RANBP3L: variants seen among roughly 807,000 people sequenced by gnomAD.
RANBP3L encodes ran-binding protein 3-like.
Under a neutral mutation model 67.2 loss-of-function variants are expected in RANBP3L, and 56 were observed. That is an observed-to-expected ratio of 0.83 (90% CI 0.67 to 1.04). RANBP3L has a LOEUF of 1.04. RANBP3L is among the 50% of genes least tolerant of loss of function. The probability of loss-of-function intolerance (pLI) is 0.00; values close to 1 mark genes in which losing one functional copy is unlikely to be tolerated. For synonymous variants in RANBP3L, 164 were observed against 181.4 expected (o/e 0.90, Z 0.77); for missense variants, 496 against 535.5 (o/e 0.93, Z 0.73).
chr5:36,292,127 T>C (rs1751832894), intron 1 of RANBP3L, among the ~76,000 whole-genome samples: 1 of 151,964 alleles, frequency 6.6e-6, no homozygotes, highest in South Asian at 2.1e-4. Context: ...ATTGTGGTTT[T>C]GATTTGCATT....
chr5:36,274,606 A>G (rs1205971095), intron 1 of RANBP3L, among the ~76,000 whole-genome samples: 2 of 152,282 alleles, frequency 1.3e-5, no homozygotes, highest in South Asian at 4.1e-4. Context: ...AGGGCTGGAG[A>G]TGAGGCTGGA....
At chr5:36,251,951 T>C (rs945418270) in intron 12 of RANBP3L, among the ~76,000 whole-genome samples, 4 of 152,152 alleles carry the variant, frequency 2.6e-5, no homozygotes, top group African/African-American at 9.7e-5. Context: ...GTACCATAAA[T>C]ACAGCAGAAG....
chr5:36,269,084 A>G (rs1750021750), intron 4 of RANBP3L, among the ~76,000 whole-genome samples: 2 of 152,186 alleles, frequency 1.3e-5, no homozygotes, highest in African/African-American at 4.8e-5. Flanking sequence ...CTTTGGAAAC[A>G]TAGCAAAATA....
intron 1 of RANBP3L, among the ~76,000 whole-genome samples, chr5:36,288,652 T>C (rs1751493719): frequency 6.6e-6 from 1 of 152,156 alleles, no homozygotes; most frequent in Admixed American, 6.6e-5. Context: ...CCATTTAAAA[T>C]TTTAGCCATT....
chr5:36,264,144 C>T (rs969705475), intron 6 of RANBP3L, among the ~76,000 whole-genome samples: 6 of 149,120 alleles, frequency 4.0e-5, no homozygotes, highest in Non-Finnish European at 9.0e-5. Context: ...GCAGCAGAGG[C>T]AAGATTAGTA....
Position 36,247,519 on chromosome 5 carries a change from A to G in RANBP3L, c.*2135T>C, listed in dbSNP as rs1279413872. 6.6e-6 allele frequency among the ~76,000 whole-genome samples: 1 copy of G among 152,226 alleles called. No individual in the cohort carries two copies. The highest frequency in any genetic ancestry group is 1.5e-5 in the Non-Finnish European group (1 of 68,046). On this transcript the variant is annotated 3_prime_UTR_variant, in exon 14 of 14. Transcript: ENST00000296604. Reference sequence around the variant, plus strand: ...AATCATAGAATGAATTCAACTTAAAATGTTTCAAGCATTGAGAAGATAATT... The same window carrying G: ...AATCATAGAATGAATTCAACTTAAAGTGTTTCAAGCATTGAGAAGATAATT...
chr5:36,264,415 G>C (rs1749609529), intron 6 of RANBP3L, among the ~76,000 whole-genome samples: 1 of 152,124 alleles, frequency 6.6e-6, no homozygotes, highest in South Asian at 2.1e-4. Context: ...TGTCTGTTTA[G>C]AAAGGCCTAC....
rs884694 is a variant in RANBP3L, at chr5:36,301,318, G to T, written c.91+8C>A. The stretch of plus-strand genomic sequence containing the variant: ...AGAATATGCAACTCATGAGCTGGAC[G>T]GACTCACCTTGCTGTCGCCGGTCCT... On this transcript the variant is annotated splice_region_variant and intron_variant, in intron 1 of 13. Coordinates refer to ENST00000296604, the MANE Select transcript of RANBP3L (RefSeq NM_145000.5). 0.68 allele frequency: 1,093,224 copies of T among 1,602,516 alleles called. 378,888 individuals are homozygous for T. Among genetic ancestry groups the T allele is most frequent in the Middle Eastern group, 0.73 (4,286 of 5,850 alleles).
chr5:36,266,176 A>G (rs1257009639), intron 4 of RANBP3L, among the ~76,000 whole-genome samples: 2 of 152,124 alleles, frequency 1.3e-5, no homozygotes, highest in Non-Finnish European at 2.9e-5. Flanking sequence ...ATTAATATAT[A>G]GCTCTTATAG....
intron 4 of RANBP3L, among the ~76,000 whole-genome samples, chr5:36,267,034 G>A (rs770168575): frequency 3.9e-5 from 6 of 152,176 alleles, no homozygotes; most frequent in Non-Finnish European, 5.9e-5. Flanking sequence ...TGATATTACA[G>A]GCATGAGCCA....
chr5:36,263,157 G>T (rs1749516015), intron 6 of RANBP3L, among the ~76,000 whole-genome samples: 1 of 151,776 alleles, frequency 6.6e-6, no homozygotes, highest in African/African-American at 2.4e-5. Context: ...ATCAATAAAT[G>T]GAAAATTTAA....
rs1244720726 is a variant in RANBP3L at position 36,260,901 on chromosome 5, CATAG to C, written c.585-41_585-38del. 5.7e-6 allele frequency: 5 copies of C among 882,534 alleles called. No homozygotes were observed. In the East Asian group the frequency reaches 1.3e-4, roughly 23 times the overall value. 54.7% of individuals were successfully genotyped at this position (882,534 alleles called of 1,614,324 possible). The stretch of plus-strand genomic sequence containing the variant: ...AAATAAGCATTTACTATTTTAAATA[CATAG>C]ATAAAGCCATTTTAAACCTTGAAAT... On this transcript the variant is annotated intron_variant, in intron 7 of 13. Transcript: ENST00000296604.
chr5:36,274,121 G>C (rs1453927184), intron 1 of RANBP3L, among the ~76,000 whole-genome samples: 1 of 152,134 alleles, frequency 6.6e-6, no homozygotes, highest in Non-Finnish European at 1.5e-5. Context: ...ACCCATTATG[G>C]TTTGGGGGCT....
chr5:36,276,406 A>T (rs972784715), intron 1 of RANBP3L, among the ~76,000 whole-genome samples: 1 of 152,192 alleles, frequency 6.6e-6, no homozygotes, highest in African/African-American at 2.4e-5. Flanking sequence ...AAATTACAGT[A>T]TATTGTTAAA....
chr5:36,288,259 A>G (rs1409319750), intron 1 of RANBP3L, among the ~76,000 whole-genome samples: 1 of 152,016 alleles, frequency 6.6e-6, no homozygotes, highest in African/African-American at 2.4e-5. Context: ...GCTTATTTTC[A>G]CTCAATAAAA....
chr5:36,301,473 A>T lies in RANBP3L; in HGVS notation c.-57T>A, dbSNP rs1404694964. 2 of 1,341,014 alleles carry T rather than the reference A, an allele frequency of 1.5e-6. No homozygotes were observed. The highest frequency in any genetic ancestry group is 2.9e-5 in the African/African-American group (2 of 69,820). The allele number at this position is 1,341,014 out of a possible 1,614,324, so 83.1% of individuals were successfully genotyped here. ...CACTAGGGCACCTCCTTCTCTGGCC[A>T]GTCACCTAAAGTGGCCTTCACCAGA... On this transcript the variant is annotated 5_prime_UTR_variant, in exon 1 of 14. Transcript: ENST00000296604.
chr5:36,272,487 G>C (rs774148411), intron 1 of RANBP3L, among the ~76,000 whole-genome samples: 1 of 152,184 alleles, frequency 6.6e-6, no homozygotes, highest in Admixed American at 6.5e-5. Context: ...ATGCCAGAAA[G>C]GGATTCCCCA....
rs1249598621 is a variant in RANBP3L at position 36,248,031 on chromosome 5, T to G, written c.*1623A>C. On this transcript the variant is annotated 3_prime_UTR_variant, in exon 14 of 14. Coordinates refer to ENST00000296604, the MANE Select transcript of RANBP3L (RefSeq NM_145000.5). ...CTTTATTATCTTCTCCAAATATCTC[T>G]CTGTGTTATGTTTCTAATGAAAATT... is the stretch of plus-strand genomic sequence containing the variant. 6.6e-6 allele frequency among the ~76,000 whole-genome samples: 1 copy of G among 152,226 alleles called. No individual in the cohort carries two copies. The highest frequency in any genetic ancestry group is 2.4e-5 in the African/African-American group (1 of 41,462).
At chr5:36,280,121 A>C (rs1408520292) in intron 1 of RANBP3L, among the ~76,000 whole-genome samples, 1 of 152,080 alleles carries the variant, frequency 6.6e-6, no homozygotes, top group Non-Finnish European at 1.5e-5. Context: ...TAAAGACTCA[A>C]CTCTCTCCTC....
Sources: gnomAD v4.1 joint callset for allele counts (sites outside exome capture counted in the v4.1 genomes callset) on GRCh38, gnomAD v4.1.1 for gene constraint, MANE v1.5 for transcripts, NCBI Gene and HGNC (gene_info 2026-07-23, HGNC 2026-07-21) for gene names.